The following ACO1 variants were observed in gnomAD, a reference collection of about 807,000 sequenced individuals.
ACO1 encodes cytoplasmic aconitate hydratase.
A neutral mutation model predicts 105.1 loss-of-function variants in ACO1; 78 were observed. The observed-to-expected ratio is 0.74, with a 90% CI of 0.62 to 0.90. The LOEUF (loss-of-function observed/expected upper bound fraction) is 0.90, where lower values mean the gene tolerates loss of function less well. Ranked by LOEUF, ACO1 falls within the 40% of genes least tolerant of loss-of-function variation. The probability of loss-of-function intolerance (pLI) is 0.00; values close to 1 mark genes in which losing one functional copy is unlikely to be tolerated. For synonymous variants in ACO1, 364 were observed against 397.4 expected (o/e 0.92, Z 1.00); for missense variants, 965 against 1,111.1 (o/e 0.87, Z 1.87).
chr9:32,435,073 C>T lies in ACO1; in HGVS notation c.2099+372C>T, dbSNP rs541081699. ...GCCAGGTCCTGGTTGAGAAACCTAA[C>T]GTTTACAGAGCACTGCTTGGAGGAT... is the stretch of plus-strand genomic sequence containing the variant. On this transcript the variant is annotated intron_variant, in intron 17 of 20. Transcript: ENST00000309951. Among the ~76,000 whole-genome samples, 30 of 152,298 alleles carry T rather than the reference C, an allele frequency of 2.0e-4. 1 individual carries two copies. In the South Asian group the frequency reaches 5.6e-3, roughly 28 times the overall value.
intron 1 of ACO1, among the ~76,000 whole-genome samples, chr9:32,389,416 G>A (rs1046219173): frequency 2.0e-5 from 3 of 152,118 alleles, no homozygotes; most frequent in East Asian, 1.9e-4. Flanking sequence ...GTATGTTGAG[G>A]ACAGTTCTTC....
At chr9:32,426,026 T>A in intron 11 of ACO1, 29 bp downstream of exon 11, 1 of 1,608,024 alleles carries the variant, frequency 6.2e-7, no homozygotes, top group Non-Finnish European at 8.5e-7. Flanking sequence ...ATCCTCATGG[T>A]CATACATGTG....
At chr9:32,397,392 CAG>C (rs1821394964) in intron 1 of ACO1, among the ~76,000 whole-genome samples, 1 of 152,124 alleles carries the variant, frequency 6.6e-6, no homozygotes, top group South Asian at 2.1e-4. Context: ...TTGGAAAATT[CAG>C]AGATATTTAA....
At position 32,406,467 on chromosome 9, in the gene ACO1, A is replaced by G. The variant is rs559143845; in HGVS notation, c.98-794A>G. On this transcript the variant is annotated intron_variant, in intron 2 of 20. Transcript: ENST00000309951. ...AAAACCCTGTCTCTACAAAAAATAG[A>G]AAAAAATTAGCTGGGTGTGGTGATG... is the stretch of plus-strand genomic sequence containing the variant. Among the ~76,000 whole-genome samples, 389 of 152,248 alleles carry G rather than the reference A, an allele frequency of 2.6e-3. 2 individuals are homozygous for G. Among genetic ancestry groups the G allele is most frequent in the Non-Finnish European group, 3.3e-3 (226 of 68,012 alleles).
In ACO1 at chr9:32,440,446, T is replaced by A. The variant is rs745801125; in HGVS notation, c.2248-19T>A. 3.1e-6 allele frequency: 5 copies of A among 1,613,192 alleles called. No homozygotes were observed. The South Asian group carries it at 5.5e-5, about 18-fold the overall frequency. On this transcript the variant is annotated intron_variant, in intron 18 of 20. Transcript: ENST00000309951. ...TTTGCCTCTCCTGCATCTGTAAAAC[T>A]TCCTTTTCTCTTCCTCAGCTTGATG...
intron 1 of ACO1, among the ~76,000 whole-genome samples, chr9:32,399,966 G>GTTTTTCTTTTTTTTTTTTTTTTTTTTTTT (rs1821454954): frequency 1.4e-5 from 1 of 69,842 alleles, no homozygotes; most frequent in African/African-American, 6.1e-5. Flanking sequence ...TTCTTTTTCT[G>GTTTTTCTTTTTTTTTTTTTTTTTTTTTTT]TTTTTTTTTT....
chr9:32,447,396 CTG>C, intron 19 of ACO1, among the ~76,000 whole-genome samples: 2 of 151,750 alleles, frequency 1.3e-5, no homozygotes, highest in East Asian at 3.9e-4. Context: ...AGTTCTCGTG[CTG>C]TGTTTTTCAG....
At chr9:32,412,909 A>G (rs1303188772) in intron 4 of ACO1, among the ~76,000 whole-genome samples, 1 of 152,204 alleles carries the variant, frequency 6.6e-6, no homozygotes, top group Non-Finnish European at 1.5e-5. Context: ...AGGTGAAAGT[A>G]CAGGTAGAGA....
At chr9:32,446,015 G>A (rs1822597291) in intron 19 of ACO1, among the ~76,000 whole-genome samples, 1 of 152,314 alleles carries the variant, frequency 6.6e-6, no homozygotes. Context: ...ATGCTGAGGA[G>A]TGTTTTACTT....
At chr9:32,434,751 A>G (rs1822318970) in intron 17 of ACO1, 50 bp downstream of exon 17, 1 of 1,601,652 alleles carries the variant, frequency 6.2e-7, no homozygotes, top group South Asian at 1.1e-5. Flanking sequence ...GGAGGAATGG[A>G]GTTAATGAGG....
chr9:32,387,595 C>T (rs1488002891), intron 1 of ACO1, among the ~76,000 whole-genome samples: 1 of 152,078 alleles, frequency 6.6e-6, no homozygotes, highest in Non-Finnish European at 1.5e-5. Context: ...TTCAAGTCCT[C>T]TAAAATTTTT....
At chr9:32,405,075 CCAA>C (rs1448935768) in intron 1 of ACO1, among the ~76,000 whole-genome samples, 1 of 152,076 alleles carries the variant, frequency 6.6e-6, no homozygotes, top group African/African-American at 2.4e-5. Context: ...TTCCTCTCTC[CCAA>C]CAAATGGCAG....
At chr9:32,448,435 G>A (rs1382607849) in intron 19 of ACO1, among the ~76,000 whole-genome samples, 2 of 152,260 alleles carry the variant, frequency 1.3e-5, no homozygotes, top group African/African-American at 4.8e-5. Flanking sequence ...AGAATTTCAA[G>A]CCAGTGGATC....
intron 12 of ACO1, among the ~76,000 whole-genome samples, chr9:32,428,341 G>T (rs1449471913): frequency 6.6e-6 from 1 of 151,678 alleles, no homozygotes; most frequent in African/African-American, 2.4e-5. Flanking sequence ...ACCGGGTCAG[G>T]ATTGTCAGTA....
In ACO1 at chr9:32,408,574, A is replaced by G. The variant is rs1242275252; in HGVS notation, c.327A>G (p.Gly109=). 6.2e-7 allele frequency: 1 copy of G among 1,614,048 alleles called. No individual in the cohort carries two copies. The highest frequency in any genetic ancestry group is 8.5e-7 in the Non-Finnish European group (1 of 1,180,034). Residue 109 remains glycine, a synonymous_variant, in exon 4 of 21, where the codon GGA becomes GGG. Transcript: ENST00000309951. ...GTGATGCTGTGAAAAAGTTAGGAGG[A>G]GATCCAGAGAAAATAAACCCTGTCT... The part of the protein sequence containing the change: ...AMRDAVKKLG[G]DPEKINPVCP...
chr9:32,413,413 G>A (rs1821783348), intron 4 of ACO1, among the ~76,000 whole-genome samples: 1 of 150,668 alleles, frequency 6.6e-6, no homozygotes, highest in African/African-American at 2.4e-5. Flanking sequence ...GAATCTGCAA[G>A]GTGGAGGTTG....
intron 14 of ACO1, 117 bp from the exon 15 acceptor site, chr9:32,431,602 C>G: frequency 9.2e-7 from 1 of 1,083,998 alleles, no homozygotes; most frequent in Admixed American, 2.3e-5. Context: ...TCCAGTCATT[C>G]AGTGTTCACA....
chr9:32,421,135 A>G (rs1821966294), intron 8 of ACO1, 108 bp downstream of exon 8: 1 of 1,219,634 alleles, frequency 8.2e-7, no homozygotes, highest in East Asian at 2.4e-5. Context: ...ACTGGGTTAC[A>G]GTTACACAAT....
At position 32,448,925 on chromosome 9, in the gene ACO1, C is replaced by T. The variant is rs555165686; in HGVS notation, c.2400C>T (p.Tyr800=). ...TCAAAGCCGTCCTGGCCGAGAGCTA[C>T]GAGCGCATTCACCGCAGTAACCTGG... ...LGIKAVLAES[Y]ERIHRSNLVG... Residue 800 remains tyrosine, a synonymous_variant, in exon 20 of 21, where the codon TAC becomes TAT. Coordinates refer to ENST00000309951, the MANE Select transcript of ACO1 (RefSeq NM_002197.3). 1.4e-5 allele frequency: 23 copies of T among 1,614,090 alleles called. No homozygotes were observed. Among genetic ancestry groups the T allele is most frequent in the South Asian group, 5.5e-5 (5 of 91,086 alleles).
Sources: gnomAD v4.1 joint callset for allele counts (sites outside exome capture counted in the v4.1 genomes callset) on GRCh38, gnomAD v4.1.1 for gene constraint, MANE v1.5 for transcripts, NCBI Gene and HGNC (gene_info 2026-07-23, HGNC 2026-07-21) for gene names.